Variants in ADAMTS18 observed in about 807,000 individuals in gnomAD.
The protein encoded by ADAMTS18 is ADAM metallopeptidase with thrombospondin type 1 motif 18, also known as A disintegrin and metalloproteinase with thrombospondin motifs 18.
A neutral mutation model predicts 165.9 loss-of-function variants in ADAMTS18; 157 were observed. The ratio of observed to expected loss-of-function variants is 0.95; its 90% CI spans 0.83 to 1.08. The LOEUF (loss-of-function observed/expected upper bound fraction) is 1.08. Ranked by LOEUF, ADAMTS18 falls within the 50% of genes least tolerant of loss-of-function variation. The pLI, the probability that ADAMTS18 is intolerant of heterozygous loss-of-function variation, is 0.00. For synonymous variants in ADAMTS18, 782 were observed against 578.2 expected (o/e 1.35, Z -5.06); for missense variants, 2,040 against 1,534.0 (o/e 1.33, Z -5.51).
intron 3 of ADAMTS18, among the ~76,000 whole-genome samples, chr16:77,376,809 CTTTTTT>C (rs549942617): frequency 1.4e-4 from 14 of 103,478 alleles, no homozygotes; most frequent in Admixed American, 2.3e-4. Flanking sequence ...CTAAATCATT[CTTTTTT>C]TTTTTTTTTT....
At chr16:77,419,384 C>G (rs1009213529) in intron 3 of ADAMTS18, among the ~76,000 whole-genome samples, 2 of 152,134 alleles carry the variant, frequency 1.3e-5, no homozygotes, top group African/African-American at 4.8e-5. Flanking sequence ...TCACTCAGCT[C>G]TCTGACACCC....
Position 77,398,145 on chromosome 16 carries a change from C to T in ADAMTS18, c.496-30422G>A, listed in dbSNP as rs1190489646. On this transcript the variant is annotated intron_variant, in intron 3 of 22. Coordinates refer to ENST00000282849, the MANE Select transcript of ADAMTS18 (RefSeq NM_199355.4). ...CAGCCTGGCCAACATGATGAAATAT[C>T]GTCTCTACTAAAAATACAAAAATTA... Among the ~76,000 whole-genome samples, 4 of 151,920 alleles carry T rather than the reference C, an allele frequency of 2.6e-5. 1 individual carries two copies. Among genetic ancestry groups the T allele is most frequent in the Admixed American group, 1.3e-4 (2 of 15,236 alleles).
intron 3 of ADAMTS18, among the ~76,000 whole-genome samples, chr16:77,406,571 A>G (rs989258287): frequency 2.0e-5 from 3 of 152,154 alleles, no homozygotes; most frequent in African/African-American, 7.2e-5. Context: ...ACATGATTGT[A>G]TATTAAGAAA....
intron 22 of ADAMTS18, among the ~76,000 whole-genome samples, chr16:77,285,194 T>C (rs2055224393): frequency 6.6e-6 from 1 of 151,998 alleles, no homozygotes; most frequent in Admixed American, 6.6e-5. Context: ...TTGTTTGAGA[T>C]GGAATTTTGC....
At chr16:77,409,692 C>G (rs2057436571) in intron 3 of ADAMTS18, among the ~76,000 whole-genome samples, 2 of 152,062 alleles carry the variant, frequency 1.3e-5, no homozygotes, top group Non-Finnish European at 2.9e-5. Context: ...ATCAAACAAG[C>G]CTTGTCTTGA....
At chr16:77,299,085 G>A (rs1453483806) in intron 17 of ADAMTS18, among the ~76,000 whole-genome samples, 3 of 152,202 alleles carry the variant, frequency 2.0e-5, no homozygotes, top group Admixed American at 2.0e-4. Context: ...ATGTTCTCAA[G>A]AAACACTGGA....
At chr16:77,290,300 A>G (rs1447357031) in intron 21 of ADAMTS18, among the ~76,000 whole-genome samples, 1 of 152,210 alleles carries the variant, frequency 6.6e-6, no homozygotes, top group African/African-American at 2.4e-5. Flanking sequence ...GCTGTGGTCA[A>G]TATATTAAGC....
At chr16:77,286,083 G>T (rs1567451067) in intron 22 of ADAMTS18, among the ~76,000 whole-genome samples, 1 of 152,084 alleles carries the variant, frequency 6.6e-6, no homozygotes, top group Non-Finnish European at 1.5e-5. Context: ...TTCATGTATT[G>T]CTTAACCACT....
chr16:77,390,639 G>A (rs2057173445), intron 3 of ADAMTS18, among the ~76,000 whole-genome samples: 1 of 151,382 alleles, frequency 6.6e-6, no homozygotes, highest in Non-Finnish European at 1.5e-5. Context: ...GCAGTGAGTG[G>A]AGATCGCACC....
chr16:77,393,685 C>A (rs1450515222), intron 3 of ADAMTS18, among the ~76,000 whole-genome samples: 3 of 152,176 alleles, frequency 2.0e-5, no homozygotes, highest in African/African-American at 4.8e-5. Flanking sequence ...ATGCTAGCAT[C>A]CTGCCCTCAG....
chr16:77,393,671 G>A (rs369766280), intron 3 of ADAMTS18, among the ~76,000 whole-genome samples: 2 of 152,158 alleles, frequency 1.3e-5, no homozygotes, highest in South Asian at 2.1e-4. Flanking sequence ...TCCAGAACTG[G>A]ACCATGCTAG....
chr16:77,325,989 G>A lies in ADAMTS18; in HGVS notation c.1909C>T (p.Leu637=), dbSNP rs757393492. 3 of 1,614,074 alleles carry A rather than the reference G, an allele frequency of 1.9e-6. No homozygotes were observed. Among genetic ancestry groups the A allele is most frequent in the Non-Finnish European group, 2.5e-6 (3 of 1,179,954 alleles). ...FCPGSSRIYQ[L]CNINPCNENS... is the part of the protein sequence containing the mutation. ...TCATTGCAAGGGTTAATATTGCACA[G>A]CTGATAAATACGGCTAGAACCTGGA... is the stretch of plus-strand genomic sequence containing the variant. Residue 637 remains leucine (L), a synonymous_variant, in exon 13 of 23, where the codon CTG becomes TTG. Coordinates refer to ENST00000282849, the MANE Select transcript of ADAMTS18 (RefSeq NM_199355.4).
At chr16:77,292,113 C>G (rs1377113197) in intron 20 of ADAMTS18, among the ~76,000 whole-genome samples, 1 of 149,534 alleles carries the variant, frequency 6.7e-6, no homozygotes, top group Non-Finnish European at 1.5e-5. Flanking sequence ...CAAGACCAGC[C>G]TCAGCAACAT....
At chr16:77,297,441 G>C (rs1234073244) in intron 17 of ADAMTS18, 26 bp from the exon 18 acceptor site, 2 of 1,602,018 alleles carry the variant, frequency 1.2e-6, no homozygotes, top group Non-Finnish European at 1.7e-6. Context: ...AAGTGACAAA[G>C]TGAAAATTAC....
At chr16:77,389,775 G>C (rs1002102303) in intron 3 of ADAMTS18, among the ~76,000 whole-genome samples, 1 of 152,228 alleles carries the variant, frequency 6.6e-6, no homozygotes, top group Admixed American at 6.5e-5. Flanking sequence ...GGGAGCAGAG[G>C]TGAAATAGAG....
At chr16:77,298,025 A>G (rs2144585541) in intron 17 of ADAMTS18, among the ~76,000 whole-genome samples, 2 of 145,492 alleles carry the variant, frequency 1.4e-5, no homozygotes, top group African/African-American at 5.1e-5. Flanking sequence ...CCCGGGTTCA[A>G]GCGATTCTCC....
At chr16:77,300,094 T>A in intron 17 of ADAMTS18, 169 bp downstream of exon 17, 4 of 751,318 alleles carry the variant, frequency 5.3e-6, no homozygotes, top group Non-Finnish European at 8.6e-6. Context: ...CCTTACCACA[T>A]AGGAAAACCC....
chr16:77,387,216 A>G (rs274541), intron 3 of ADAMTS18, among the ~76,000 whole-genome samples: 147,663 of 152,272 alleles, frequency 0.97, 71,759 homozygotes, highest in Middle Eastern at 1. Flanking sequence ...TCACCTAACC[A>G]TCATGCAAAT....
intron 3 of ADAMTS18, among the ~76,000 whole-genome samples, chr16:77,387,040 A>G: frequency 6.6e-6 from 1 of 152,212 alleles, no homozygotes; most frequent in Non-Finnish European, 1.5e-5. Context: ...GCAGAGGGCT[A>G]TTTGCATACT....
Sources: gnomAD v4.1 joint callset for allele counts (sites outside exome capture counted in the v4.1 genomes callset) on GRCh38, gnomAD v4.1.1 for gene constraint, MANE v1.5 for transcripts, NCBI Gene and HGNC (gene_info 2026-07-23, HGNC 2026-07-21) for gene names.